CTIF: variants seen among roughly 807,000 people sequenced by gnomAD.
CTIF encodes the protein cap binding complex dependent translation initiation factor.
A neutral mutation model predicts 66.0 loss-of-function variants in CTIF; 21 were observed. The ratio of observed to expected loss-of-function variants is 0.32; its 90% CI spans 0.23 to 0.46. CTIF has a LOEUF of 0.46. Ranked by LOEUF, CTIF falls within the 20% of genes least tolerant of loss-of-function variation. The pLI is 1.00. For missense variants in CTIF, 739 were observed against 812.7 expected (o/e 0.91, Z 1.10); for synonymous variants, 345 against 326.4 (o/e 1.06, Z -0.62).
intron 7 of CTIF, among the ~76,000 whole-genome samples, chr18:48,733,431 T>C (rs1253602670): frequency 1.3e-5 from 2 of 152,210 alleles, no homozygotes; most frequent in African/African-American, 4.8e-5. Context: ...TGCTGACCAC[T>C]GTCTCCAGTG....
chr18:48,593,210 C>T (rs542633292), intron 1 of CTIF, among the ~76,000 whole-genome samples: 41 of 152,194 alleles, frequency 2.7e-4, no homozygotes, highest in East Asian at 7.7e-4. Flanking sequence ...AGCTGGGGAA[C>T]GCACCCAAGA....
chr18:48,552,431 T>C (rs1262516166), intron 1 of CTIF, among the ~76,000 whole-genome samples: 5 of 152,252 alleles, frequency 3.3e-5, no homozygotes, highest in Non-Finnish European at 7.3e-5. Context: ...GAGTAGCTTA[T>C]GAACAGGAGA....
chr18:48,593,544 G>A (rs2089932587), intron 1 of CTIF, among the ~76,000 whole-genome samples: 1 of 151,670 alleles, frequency 6.6e-6, no homozygotes, highest in African/African-American at 2.4e-5. Flanking sequence ...ACAATGCCCG[G>A]CTAATTTTTT....
intron 10 of CTIF, among the ~76,000 whole-genome samples, chr18:48,835,377 C>T (rs899415251): frequency 6.6e-6 from 1 of 152,212 alleles, no homozygotes; most frequent in Admixed American, 6.5e-5. Context: ...CACTGTCCTA[C>T]ACTCCTGAGA....
At chr18:48,783,406 A>T (rs943487841) in intron 9 of CTIF, among the ~76,000 whole-genome samples, 2 of 147,252 alleles carry the variant, frequency 1.4e-5, no homozygotes, top group African/African-American at 5.0e-5. Context: ...ATGAAGCTTT[A>T]AAAAAAAAAA....
intron 9 of CTIF, among the ~76,000 whole-genome samples, chr18:48,783,874 G>C (rs1911473524): frequency 6.6e-6 from 1 of 151,790 alleles, no homozygotes; most frequent in South Asian, 2.1e-4. Context: ...CACCCAGTCA[G>C]CACTCACTCC....
chr18:48,801,114 C>T lies in CTIF; in HGVS notation c.1372-16107C>T, dbSNP rs982581006. On this transcript the variant is annotated intron_variant, in intron 9 of 11. Transcript: ENST00000256413. ...CTTCCTTCAGGGCCACCCCCACCCC[C>T]GGCACTGCTCAGAACAGACCTCACT... Among the ~76,000 whole-genome samples, 7 of 152,198 alleles carry T rather than the reference C, an allele frequency of 4.6e-5. No homozygotes were observed. In the East Asian group the frequency reaches 1.2e-3, roughly 25 times the overall value.
At chr18:48,683,456 C>T (rs1041484452) in intron 6 of CTIF, among the ~76,000 whole-genome samples, 1 of 151,070 alleles carries the variant, frequency 6.6e-6, no homozygotes, top group Non-Finnish European at 1.5e-5. Context: ...CCGAGCCTCA[C>T]CCTCCTCCTG....
chr18:48,553,380 CCT>C (rs2088935501), intron 1 of CTIF, among the ~76,000 whole-genome samples: 2 of 152,204 alleles, frequency 1.3e-5, no homozygotes, highest in Non-Finnish European at 2.9e-5. Flanking sequence ...GAGCCAAAGA[CCT>C]CTGTGTCTTT....
At chr18:48,632,743 T>C (rs1208285796) in intron 2 of CTIF, among the ~76,000 whole-genome samples, 2 of 152,126 alleles carry the variant, frequency 1.3e-5, no homozygotes, top group Non-Finnish European at 2.9e-5. Flanking sequence ...TTTTCCTCCC[T>C]TACAGCCCCT....
chr18:48,634,695 G>A (rs754225491), intron 2 of CTIF, among the ~76,000 whole-genome samples: 7 of 152,204 alleles, frequency 4.6e-5, no homozygotes, highest in Admixed American at 2.0e-4. Flanking sequence ...GCTGACGTGG[G>A]AGCCTGGGAA....
intron 3 of CTIF, among the ~76,000 whole-genome samples, chr18:48,656,053 C>A (rs2091242180): frequency 6.6e-6 from 1 of 152,222 alleles, no homozygotes; most frequent in Non-Finnish European, 1.5e-5. Context: ...TGTGTGGAGA[C>A]CGCAGCCTCA....
intron 9 of CTIF, among the ~76,000 whole-genome samples, chr18:48,793,008 G>A (rs1012031614): frequency 6.6e-6 from 1 of 152,182 alleles, no homozygotes; most frequent in Admixed American, 6.5e-5. Context: ...CATCTCCAGA[G>A]GATGAGGATC....
At position 48,585,896 on chromosome 18, in the gene CTIF, T is replaced by C. The variant is rs1452495433; in HGVS notation, c.-28-33642T>C. Among the ~76,000 whole-genome samples the C allele has an allele frequency of 1.3e-5, 2 of 152,214 alleles. 1 individual carries two copies. The highest frequency in any genetic ancestry group is 2.9e-5 in the Non-Finnish European group (2 of 68,042). ...TTCATATAGATTCTTTTCTGATGCT[T>C]TGTTTTCCTGCCTCAATTTCATAAA... On this transcript the variant is annotated intron_variant, in intron 1 of 11. Transcript: ENST00000256413.
intron 10 of CTIF, among the ~76,000 whole-genome samples, chr18:48,833,760 C>A (rs945553678): frequency 1.1e-4 from 16 of 152,308 alleles, no homozygotes; most frequent in South Asian, 2.1e-4. Flanking sequence ...TACCTAGAAC[C>A]CCCGAAGCCT....
At chr18:48,733,590 G>A (rs58976190) in intron 7 of CTIF, among the ~76,000 whole-genome samples, 3,031 of 152,332 alleles carry the variant, frequency 0.02, 86 homozygotes, top group African/African-American at 0.059. Context: ...CCTGGCAGTC[G>A]AGGGCACACC....
At chr18:48,552,299 G>C (rs907581169) in intron 1 of CTIF, among the ~76,000 whole-genome samples, 27 of 152,238 alleles carry the variant, frequency 1.8e-4, no homozygotes, top group Non-Finnish European at 3.2e-4. Context: ...CCAGTGAGAA[G>C]ACAAACTGAG....
intron 7 of CTIF, among the ~76,000 whole-genome samples, chr18:48,744,251 A>T (rs920085937): frequency 6.6e-6 from 1 of 151,864 alleles, no homozygotes; most frequent in Non-Finnish European, 1.5e-5. Flanking sequence ...CTGCAGTTTC[A>T]CCTCCTGCTA....
chr18:48,589,393 C>T (rs555218327), intron 1 of CTIF, among the ~76,000 whole-genome samples: 15 of 152,338 alleles, frequency 9.8e-5, no homozygotes, highest in African/African-American at 3.6e-4. Context: ...ATGTACTCTC[C>T]TCTTGTGTGT....
Sources: gnomAD v4.1 joint callset for allele counts (sites outside exome capture counted in the v4.1 genomes callset) on GRCh38, gnomAD v4.1.1 for gene constraint, MANE v1.5 for transcripts, NCBI Gene and HGNC (gene_info 2026-07-23, HGNC 2026-07-21) for gene names.